CNTLN: variants seen among roughly 807,000 people sequenced by gnomAD.
The protein encoded by CNTLN is centlein, centrosomal protein.
A neutral mutation model predicts 180.0 loss-of-function variants in CNTLN; 212 were observed. The observed-to-expected ratio is 1.18, with a 90% CI of 1.05 to 1.32. The LOEUF is 1.32. CNTLN is among the 40% of genes most tolerant of loss of function. The pLI, the probability that CNTLN is intolerant of heterozygous loss-of-function variation, is 0.00. For synonymous variants in CNTLN, 722 were observed against 563.1 expected, an observed-to-expected ratio of 1.28 and a Z score of -3.99; for missense variants, 2,095 against 1,610.9, an observed-to-expected ratio of 1.30 and a Z score of -5.14.
In CNTLN at chr9:17,366,866, T is replaced by C. The variant is rs1823866132; in HGVS notation, c.1987+149T>C. On this transcript the variant is annotated intron_variant, in intron 13 of 25. Transcript: ENST00000380647. ...TGATAACTCACTAACATTTTCATCCTGAGAAAATTAAATAAATAGAACATC... is the reference window on the plus strand; with the variant it reads ...TGATAACTCACTAACATTTTCATCCCGAGAAAATTAAATAAATAGAACATC... 4 of 527,044 alleles carry C rather than the reference T, an allele frequency of 7.6e-6. No individual in the cohort carries two copies. In the South Asian group the frequency reaches 1.0e-4, roughly 13 times the overall value. The allele number at this position is 527,044 out of a possible 1,614,324, so 32.6% of individuals were successfully genotyped here.
chr9:17,301,607 A>G (rs1449070683), intron 7 of CNTLN: 3 of 982,740 alleles, frequency 3.1e-6, no homozygotes, highest in Non-Finnish European at 2.4e-6. Flanking sequence ...TTGAAATTGT[A>G]CCTCCCACTG....
At chr9:17,355,661 G>T (rs926258703) in intron 12 of CNTLN, among the ~76,000 whole-genome samples, 1 of 152,152 alleles carries the variant, frequency 6.6e-6, no homozygotes, top group Non-Finnish European at 1.5e-5. Flanking sequence ...TTGATACTCA[G>T]TTATCCCAAA....
intron 2 of CNTLN, among the ~76,000 whole-genome samples, chr9:17,198,386 C>CTTTTTTTT (rs61209273): frequency 3.7e-4 from 41 of 109,632 alleles, no homozygotes; most frequent in East Asian, 1.1e-3. Flanking sequence ...TCTTTTCTTT[C>CTTTTTTTT]TTTTTTTTTT....
rs373270375 is a variant in CNTLN, at chr9:17,484,312, G to A, written c.3873G>A (p.Leu1291=). 2.4e-4 allele frequency: 382 copies of A among 1,599,014 alleles called. 1 individual carries two copies. Among genetic ancestry groups the A allele is most frequent in the Non-Finnish European group, 3.0e-4 (354 of 1,176,056 alleles). ...TGTTACAGGCTTTGGCCAAAGAGTT[G>A]CAAAATGATGTCCATGTGGTAAGGC... The part of the protein sequence containing the change: ...TTFVKALAKE[L]QNDVHVVRRQ... Residue 1291 remains leucine (L), a synonymous_variant, in exon 24 of 26, where the codon TTG becomes TTA. Coordinates refer to ENST00000380647, the MANE Select transcript of CNTLN (RefSeq NM_017738.4).
At chr9:17,394,028 A>T (rs1201135453) in intron 14 of CNTLN, among the ~76,000 whole-genome samples, 1 of 152,282 alleles carries the variant, frequency 6.6e-6, no homozygotes, top group Middle Eastern at 3.4e-3. Flanking sequence ...CTGTTCCCTT[A>T]TCACATAAAC....
chr9:17,418,034 A>G (rs750892294), intron 18 of CNTLN, among the ~76,000 whole-genome samples: 3 of 152,024 alleles, frequency 2.0e-5, no homozygotes, highest in Non-Finnish European at 4.4e-5. Flanking sequence ...TAGCTATTTC[A>G]AATCTCATCT....
chr9:17,334,499 A>T (rs1455835165), intron 10 of CNTLN, among the ~76,000 whole-genome samples: 1 of 152,132 alleles, frequency 6.6e-6, no homozygotes, highest in Non-Finnish European at 1.5e-5. Context: ...TTAGATTTAT[A>T]TGAGATTTCC....
At chr9:17,171,825 A>G (rs1820438982) in intron 2 of CNTLN, among the ~76,000 whole-genome samples, 1 of 152,076 alleles carries the variant, frequency 6.6e-6, no homozygotes, top group Non-Finnish European at 1.5e-5. Context: ...GTGCAAAGTT[A>G]TAGGTAGCTC....
chr9:17,455,589 G>A (rs1440082338), intron 18 of CNTLN, among the ~76,000 whole-genome samples: 1 of 152,120 alleles, frequency 6.6e-6, no homozygotes, highest in Non-Finnish European at 1.5e-5. Flanking sequence ...AAGTATCCCA[G>A]TAAGAAGAAA....
At chr9:17,278,910 A>C (rs1318322626) in intron 6 of CNTLN, among the ~76,000 whole-genome samples, 1 of 152,016 alleles carries the variant, frequency 6.6e-6, no homozygotes, top group Non-Finnish European at 1.5e-5. Flanking sequence ...ACTATATTGC[A>C]CATGTTCTTT....
At chr9:17,284,481 G>C (rs2132617096) in intron 6 of CNTLN, among the ~76,000 whole-genome samples, 2 of 152,198 alleles carry the variant, frequency 1.3e-5, no homozygotes, top group Middle Eastern at 3.4e-3. Context: ...CCCTGGCTCA[G>C]TTTTGGGAGG....
intron 12 of CNTLN, among the ~76,000 whole-genome samples, chr9:17,365,132 C>T (rs1460202540): frequency 6.6e-6 from 1 of 152,146 alleles, no homozygotes; most frequent in Non-Finnish European, 1.5e-5. Context: ...ATTGTAATCC[C>T]CAGTGGTGAA....
At chr9:17,421,598 A>G (rs968408949) in intron 18 of CNTLN, among the ~76,000 whole-genome samples, 1 of 151,992 alleles carries the variant, frequency 6.6e-6, no homozygotes, top group African/African-American at 2.4e-5. Context: ...AGTACTTGCT[A>G]CTGCCATTTT....
Position 17,431,880 on chromosome 9 carries a change from A to G in CNTLN, c.3114+15691A>G, listed in dbSNP as rs567550766. Among the ~76,000 whole-genome samples, 6 of 152,358 alleles carry G rather than the reference A, an allele frequency of 3.9e-5. No individual in the cohort carries two copies. The South Asian group carries it at 1.0e-3, about 26-fold the overall frequency. Reference sequence around the variant, plus strand: ...TTCCTTATCTTTAAAAAGATAAAGGATCAAACAAATATATTTCATAAACTA... The same window carrying G: ...TTCCTTATCTTTAAAAAGATAAAGGGTCAAACAAATATATTTCATAAACTA... On this transcript the variant is annotated intron_variant, in intron 18 of 25. Coordinates refer to ENST00000380647, the MANE Select transcript of CNTLN (RefSeq NM_017738.4).
At chr9:17,352,114 A>G (rs957797093) in intron 12 of CNTLN, among the ~76,000 whole-genome samples, 4 of 152,042 alleles carry the variant, frequency 2.6e-5, no homozygotes, top group Non-Finnish European at 5.9e-5. Context: ...TTTTACCCCC[A>G]TGTATTATAA....
chr9:17,432,745 T>A (rs1829488409), intron 18 of CNTLN, among the ~76,000 whole-genome samples: 1 of 152,016 alleles, frequency 6.6e-6, no homozygotes, highest in African/African-American at 2.4e-5. Flanking sequence ...TCAGGCCAAG[T>A]GTGGTGGCTC....
chr9:17,457,930 A>G (rs1831230885), intron 19 of CNTLN, among the ~76,000 whole-genome samples: 1 of 152,012 alleles, frequency 6.6e-6, no homozygotes, highest in African/African-American at 2.4e-5. Context: ...GATACCATGA[A>G]ATCCTAATTT....
chr9:17,271,192 C>G lies in CNTLN; in HGVS notation c.850-2541C>G, dbSNP rs1325171261. On this transcript the variant is annotated intron_variant, in intron 5 of 25. Transcript: ENST00000380647. The stretch of plus-strand genomic sequence containing the variant: ...TCCTGACCTCGTGATCTGCCCACCT[C>G]AGCCTCCCAAAGTGCTGGGATTACA... Among the ~76,000 whole-genome samples, 3 of 152,104 alleles carry G rather than the reference C, an allele frequency of 2.0e-5. No individual in the cohort carries two copies. In the East Asian group the frequency reaches 5.8e-4, roughly 29 times the overall value.
chr9:17,143,250 C>T, intron 1 of CNTLN, 38 bp from the exon 2 acceptor site: 1 of 1,439,028 alleles, frequency 6.9e-7, no homozygotes, highest in Non-Finnish European at 9.7e-7. Flanking sequence ...ACTACCACTA[C>T]AAAGCAATGC....
Sources: gnomAD v4.1 joint callset for allele counts (sites outside exome capture counted in the v4.1 genomes callset) on GRCh38, gnomAD v4.1.1 for gene constraint, MANE v1.5 for transcripts, NCBI Gene and HGNC (gene_info 2026-07-23, HGNC 2026-07-21) for gene names.